CCDC178: variants seen among roughly 807,000 people sequenced by gnomAD.
CCDC178 encodes the protein coiled-coil domain containing 178.
In CCDC178, 126 loss-of-function variants were observed where a neutral mutation model predicts 117.4. The observed-to-expected ratio is 1.07, with a 90% CI of 0.93 to 1.24. The LOEUF (loss-of-function observed/expected upper bound fraction) is 1.24. CCDC178 is among the 50% of genes most tolerant of loss of function. The pLI is 0.00. For missense variants in CCDC178, 1,030 were observed against 986.9 expected (o/e 1.04, Z -0.59); for synonymous variants, 283 against 313.4 (o/e 0.90, Z 1.02).
chr18:32,943,735 T>A (rs1228598104), intron 22 of CCDC178, among the ~76,000 whole-genome samples: 3 of 152,198 alleles, frequency 2.0e-5, no homozygotes, highest in Non-Finnish European at 2.9e-5. Context: ...ATGGTATGAT[T>A]ACAGATATTC....
intron 20 of CCDC178, among the ~76,000 whole-genome samples, chr18:33,097,038 T>C (rs1298029350): frequency 6.6e-6 from 1 of 152,110 alleles, no homozygotes. Flanking sequence ...GTCTCGATGT[T>C]TTTTCCAGAA....
intron 20 of CCDC178, among the ~76,000 whole-genome samples, chr18:33,181,864 C>T (rs774598037): frequency 6.6e-6 from 1 of 151,582 alleles, no homozygotes; most frequent in Non-Finnish European, 1.5e-5. Flanking sequence ...ATGCAAATGA[C>T]ATATTAAGAA....
intron 20 of CCDC178, among the ~76,000 whole-genome samples, chr18:33,129,354 C>T (rs2058045050): frequency 6.6e-6 from 1 of 151,830 alleles, no homozygotes; most frequent in Non-Finnish European, 1.5e-5. Flanking sequence ...ACATTAACTC[C>T]CTATTATGAT....
chr18:33,398,298 A>G (rs951212611), intron 3 of CCDC178, among the ~76,000 whole-genome samples: 3 of 152,132 alleles, frequency 2.0e-5, no homozygotes, highest in African/African-American at 7.2e-5. Context: ...ATAAGATATG[A>G]TACCCACAAA....
chr18:33,016,635 A>G (rs2055997844), intron 21 of CCDC178, among the ~76,000 whole-genome samples: 1 of 152,070 alleles, frequency 6.6e-6, no homozygotes, highest in South Asian at 2.1e-4. Context: ...AGGGAGGGGG[A>G]TCAGAGCTTT....
chr18:33,158,002 G>A (rs888202068), intron 20 of CCDC178, among the ~76,000 whole-genome samples: 3 of 152,046 alleles, frequency 2.0e-5, no homozygotes, highest in African/African-American at 7.2e-5. Flanking sequence ...ACTTATCTGA[G>A]GGTTTGTTCT....
At chr18:33,159,222 G>T (rs922315137) in intron 20 of CCDC178, among the ~76,000 whole-genome samples, 2 of 152,012 alleles carry the variant, frequency 1.3e-5, no homozygotes, top group South Asian at 2.1e-4. Context: ...CCAGATGTTT[G>T]CATTTGTGGA....
chr18:33,230,451 C>A (rs1224316522), intron 15 of CCDC178, among the ~76,000 whole-genome samples: 1 of 152,264 alleles, frequency 6.6e-6, no homozygotes, highest in Middle Eastern at 3.4e-3. Flanking sequence ...AAGCTCCCTC[C>A]TCTATCTCCT....
chr18:33,335,106 C>T (rs1337023083), intron 9 of CCDC178, among the ~76,000 whole-genome samples: 1 of 151,898 alleles, frequency 6.6e-6, no homozygotes. Context: ...CTTTGCATCT[C>T]TTCTGCATTA....
At chr18:33,244,846 C>A (rs1264919049) in intron 15 of CCDC178, among the ~76,000 whole-genome samples, 3 of 151,854 alleles carry the variant, frequency 2.0e-5, no homozygotes, top group Non-Finnish European at 2.9e-5. Context: ...AATTCAACAA[C>A]TCATAGGCCT....
At chr18:33,383,424 G>C (rs2063460506) in intron 5 of CCDC178, among the ~76,000 whole-genome samples, 1 of 151,766 alleles carries the variant, frequency 6.6e-6, no homozygotes, top group Non-Finnish European at 1.5e-5. Context: ...GACTGGGTGA[G>C]ACCTCCCAAC....
At chr18:32,980,376 G>A (rs988193325) in intron 21 of CCDC178, among the ~76,000 whole-genome samples, 2 of 151,564 alleles carry the variant, frequency 1.3e-5, no homozygotes, top group East Asian at 1.9e-4. Flanking sequence ...GAGGTCAGGA[G>A]ATCGAGACCA....
At chr18:33,203,129 TATTA>T (rs2059011921) in intron 20 of CCDC178, among the ~76,000 whole-genome samples, 2 of 152,312 alleles carry the variant, frequency 1.3e-5, no homozygotes, top group Admixed American at 1.3e-4. Context: ...ATCATTGTTG[TATTA>T]ATTCAAGTCC....
intron 20 of CCDC178, among the ~76,000 whole-genome samples, chr18:33,182,339 C>G (rs2058741597): frequency 6.6e-6 from 1 of 151,842 alleles, no homozygotes; most frequent in Non-Finnish European, 1.5e-5. Flanking sequence ...TTTCCAGAAG[C>G]TGATCTTTTA....
chr18:33,160,058 C>T (rs1335530331), intron 20 of CCDC178, among the ~76,000 whole-genome samples: 1 of 151,962 alleles, frequency 6.6e-6, no homozygotes. Flanking sequence ...GAAGACAAAG[C>T]CCAAAGAAAT....
Position 33,215,598 on chromosome 18 carries a change from G to A in CCDC178, c.2030C>T (p.Ala677Val). The change falls in exon 19 of 23, where the codon GCA becomes GTA. Residue 677 changes from alanine to valine, a missense_variant. Coordinates refer to ENST00000383096, the MANE Select transcript of CCDC178 (RefSeq NM_001105528.4). ...AAAACTTTTCTTTTCTTCTTCTTTT[G>A]CTTTTAATTCCTCATTCAATTCATT... ...KINELNEELK[A>V]KEEEKKSFDQ... 2 of 1,497,372 alleles carry A rather than the reference G, an allele frequency of 1.3e-6. No individual in the cohort carries two copies. The highest frequency in any genetic ancestry group is 1.8e-6 in the Non-Finnish European group (2 of 1,119,346). 92.8% of individuals were successfully genotyped at this position (1,497,372 alleles called of 1,614,324 possible).
chr18:32,983,224 G>A (rs1394020657), intron 21 of CCDC178: 1 of 978,956 alleles, frequency 1.0e-6, no homozygotes, highest in East Asian at 2.6e-5. Context: ...ACTTGTTAGA[G>A]GTTACAGTAT....
At chr18:33,064,927 A>G (rs2056985470) in intron 21 of CCDC178, among the ~76,000 whole-genome samples, 1 of 152,134 alleles carries the variant, frequency 6.6e-6, no homozygotes, top group Non-Finnish European at 1.5e-5. Context: ...AAATATTGTC[A>G]TTTGAGACGA....
chr18:33,335,049 T>G (rs1385224744), intron 9 of CCDC178, among the ~76,000 whole-genome samples: 2 of 152,046 alleles, frequency 1.3e-5, no homozygotes, highest in African/African-American at 4.8e-5. Context: ...TTTTGTTAAT[T>G]TTGCCATTGG....
Sources: allele counts gnomAD v4.1 joint callset (sites outside exome capture counted in the v4.1 genomes callset), GRCh38; gene constraint gnomAD v4.1.1; transcripts MANE v1.5; gene names NCBI Gene and HGNC (gene_info 2026-07-23, HGNC 2026-07-21).